GRIK2: variants seen among roughly 807,000 people sequenced by gnomAD.
The protein encoded by GRIK2 is glutamate receptor ionotropic, kainate 2.
GRIK2 carries 32 observed loss-of-function variants against 100.3 expected under a neutral mutation model. That is an observed-to-expected ratio of 0.32 (90% CI 0.24 to 0.43). GRIK2 has a LOEUF of 0.43. Ranked by LOEUF, GRIK2 falls within the 20% of genes least tolerant of loss-of-function variation. The pLI, the probability that GRIK2 is intolerant of heterozygous loss-of-function variation, is 1.00. For synonymous variants in GRIK2, 417 were observed against 389.4 expected, an observed-to-expected ratio of 1.07 and a Z score of -0.83; for missense variants, 843 against 1,114.9, an observed-to-expected ratio of 0.76 and a Z score of 3.47.
intron 2 of GRIK2, among the ~76,000 whole-genome samples, chr6:101,540,327 T>A (rs1425096520): frequency 6.6e-6 from 1 of 151,936 alleles, no homozygotes; most frequent in East Asian, 1.9e-4. Flanking sequence ...TAAGACCTAG[T>A]ACTTGATGGC....
At chr6:101,712,218 A>G (rs764123823) in intron 7 of GRIK2, among the ~76,000 whole-genome samples, 43 of 151,840 alleles carry the variant, frequency 2.8e-4, no homozygotes, top group Non-Finnish European at 2.1e-4. Flanking sequence ...GCTGACTGCT[A>G]TCTTTTAGAA....
intron 14 of GRIK2, among the ~76,000 whole-genome samples, chr6:101,975,225 A>G (rs952566989): frequency 1.1e-4 from 17 of 152,076 alleles, no homozygotes; most frequent in Admixed American, 6.6e-5. Context: ...TCTAGTAAGA[A>G]TATAAGAATA....
chr6:102,043,294 T>G (rs1770696398), intron 15 of GRIK2, among the ~76,000 whole-genome samples: 1 of 151,872 alleles, frequency 6.6e-6, no homozygotes, highest in South Asian at 2.1e-4. Context: ...TGTGAACATT[T>G]GAAATTTATT....
intron 7 of GRIK2, among the ~76,000 whole-genome samples, chr6:101,760,018 C>T (rs1213367510): frequency 1.5e-5 from 2 of 134,548 alleles, no homozygotes; most frequent in East Asian, 5.5e-4. Flanking sequence ...TACAGGCGCC[C>T]GCCACCGCGC....
chr6:101,818,377 C>A lies in GRIK2; in HGVS notation c.1211C>A (p.Thr404Lys). Residue 404 changes from threonine to lysine, a missense_variant, in exon 10 of 17, where the codon ACG becomes AAG. Physicochemically the swap from Thr to Lys is moderately conservative, Grantham distance 78. This residue lies in a region of GRIK2 where 519 missense variants were observed against 643.8 expected (regional missense o/e 0.81). Transcript: ENST00000369134. ...LKEEGLEKIGTWDPASGLNMT... is the reference protein window; with the variant it reads ...LKEEGLEKIGKWDPASGLNMT... ...ACATATGCTATTTTATAGATTGGAA[C>A]GTGGGATCCAGCCAGTGGCCTGAAT... is the stretch of plus-strand genomic sequence containing the variant. 1 of 1,584,672 alleles carries A rather than the reference C, an allele frequency of 6.3e-7. No individual in the cohort carries two copies. The highest frequency in any genetic ancestry group is 8.7e-7 in the Non-Finnish European group (1 of 1,153,536).
At position 102,020,020 on chromosome 6, in the gene GRIK2, A is replaced by G. The variant is rs1285095214; in HGVS notation, c.2086-15321A>G. ...AATATTGTTTTCTGCTATATAAATA[A>G]AGATGTTTAGTTAAAAAAGTCCTCT... On this transcript the variant is annotated intron_variant, in intron 14 of 16. Transcript: ENST00000369134. Among the ~76,000 whole-genome samples the G allele has an allele frequency of 2.6e-5, 4 of 151,974 alleles. No individual in the cohort carries two copies. The South Asian group carries it at 6.2e-4, about 24-fold the overall frequency.
At chr6:102,038,558 TTA>T (rs568477175) in intron 15 of GRIK2, among the ~76,000 whole-genome samples, 42 of 151,428 alleles carry the variant, frequency 2.8e-4, no homozygotes, top group Non-Finnish European at 5.3e-4. Flanking sequence ...CATTTGCCTT[TTA>T]TGTTACCATT....
intron 8 of GRIK2, among the ~76,000 whole-genome samples, chr6:101,800,403 C>A (rs933159827): frequency 6.6e-6 from 1 of 151,700 alleles, no homozygotes; most frequent in East Asian, 1.9e-4. Flanking sequence ...CATATATATA[C>A]AAATATGTAT....
chr6:101,796,377 G>C (rs938154111), intron 7 of GRIK2, among the ~76,000 whole-genome samples: 4 of 152,160 alleles, frequency 2.6e-5, no homozygotes, highest in Non-Finnish European at 5.9e-5. Context: ...ATTTTTGTGA[G>C]CATTCTTGTG....
At chr6:101,402,789 G>A (rs1002333613) in intron 2 of GRIK2, among the ~76,000 whole-genome samples, 2 of 152,168 alleles carry the variant, frequency 1.3e-5, no homozygotes, top group Non-Finnish European at 2.9e-5. Flanking sequence ...GAGCGCTGGC[G>A]CGGCGGGCAC....
intron 2 of GRIK2, among the ~76,000 whole-genome samples, chr6:101,576,607 C>T (rs1183946092): frequency 1.3e-5 from 2 of 151,914 alleles, no homozygotes; most frequent in African/African-American, 4.8e-5. Flanking sequence ...AAATATCTGT[C>T]ACATTATGCA....
At chr6:101,908,771 G>A (rs927892757) in intron 12 of GRIK2, among the ~76,000 whole-genome samples, 3 of 134,934 alleles carry the variant, frequency 2.2e-5, no homozygotes, top group Non-Finnish European at 4.7e-5. Flanking sequence ...AGATAGGAAG[G>A]ATAAAAATGG....
chr6:101,444,583 C>T (rs2128247150), intron 2 of GRIK2, among the ~76,000 whole-genome samples: 1 of 152,128 alleles, frequency 6.6e-6, no homozygotes, highest in Admixed American at 6.6e-5. Context: ...AATTTATATG[C>T]AAAGTTCTCC....
intron 7 of GRIK2, among the ~76,000 whole-genome samples, chr6:101,694,636 T>C (rs977663724): frequency 1.3e-5 from 2 of 152,074 alleles, no homozygotes; most frequent in African/African-American, 4.8e-5. Flanking sequence ...ACTGTAACTA[T>C]AGTGCACTCT....
chr6:101,744,558 A>ATATATATATATATATAATC (rs751011648), intron 7 of GRIK2: 1 of 115,028 alleles, frequency 8.7e-6, no homozygotes, highest in African/African-American at 3.7e-5. Context: ...ATATATATAT[A>ATATATATATATATATAATC]TCACAATTTC....
chr6:101,605,285 T>C (rs533975844), intron 2 of GRIK2, among the ~76,000 whole-genome samples: 1 of 152,144 alleles, frequency 6.6e-6, no homozygotes, highest in Admixed American at 6.6e-5. Flanking sequence ...AATGGATCAG[T>C]ACTGATACTT....
chr6:101,739,517 T>C (rs1775892557), intron 7 of GRIK2, among the ~76,000 whole-genome samples: 1 of 152,178 alleles, frequency 6.6e-6, no homozygotes, highest in Non-Finnish European at 1.5e-5. Flanking sequence ...CTGGGCAAAG[T>C]ACTTCACCTC....
chr6:101,684,146 C>A (rs1045560496), intron 6 of GRIK2, among the ~76,000 whole-genome samples: 4 of 152,152 alleles, frequency 2.6e-5, no homozygotes, highest in African/African-American at 9.7e-5. Context: ...TATTTCCTAG[C>A]AGACAACTTT....
At position 102,016,553 on chromosome 6, in the gene GRIK2, TAAAA is replaced by T. The variant is rs566349306; in HGVS notation, c.2086-18784_2086-18781del. Among the ~76,000 whole-genome samples the T allele has an allele frequency of 2.4e-4, 35 of 143,918 alleles. No individual in the cohort carries two copies. In the South Asian group the frequency reaches 7.4e-3, roughly 31 times the overall value. The allele number at this position is 143,918 out of a possible 152,430, so 94.4% of individuals were successfully genotyped here. A position where few individuals can be genotyped will look rare whatever the true frequency, so the allele number is the denominator to read the frequency against. On this transcript the variant is annotated intron_variant, in intron 14 of 16. Coordinates refer to ENST00000369134, the MANE Select transcript of GRIK2 (RefSeq NM_021956.5). ...ATAATAATAATACAAAAAAAATAAA[TAAAA>T]AAATTCAAAAAAAATTTAAAAAAAA...
Sources: gnomAD v4.1 joint callset for allele counts (sites outside exome capture counted in the v4.1 genomes callset) on GRCh38, gnomAD v4.1.1 for gene constraint, gnomAD v4.1.1 regional missense constraint, MANE v1.5 for transcripts, NCBI Gene and HGNC (gene_info 2026-07-23, HGNC 2026-07-21) for gene names.